Variants in PAK1 observed in about 807,000 individuals in gnomAD.
PAK1 encodes serine/threonine-protein kinase PAK 1.
In PAK1, 29 loss-of-function variants were observed where a neutral mutation model predicts 67.4. That is an observed-to-expected ratio of 0.43 (90% CI 0.32 to 0.59). PAK1 has a LOEUF of 0.59. PAK1 is among the 20% of genes least tolerant of loss of function. The probability of loss-of-function intolerance (pLI) is 0.07; values close to 1 mark genes in which losing one functional copy is unlikely to be tolerated. For synonymous variants in PAK1, 223 were observed against 237.4 expected (o/e 0.94, Z 0.56); for missense variants, 337 against 670.7 (o/e 0.50, Z 5.50).
intron 2 of PAK1, among the ~76,000 whole-genome samples, chr11:77,389,447 C>T (rs544997016): frequency 1.3e-5 from 2 of 152,318 alleles, no homozygotes; most frequent in South Asian, 4.1e-4. Context: ...AGACTGTTTT[C>T]CACAGAGGCT....
the PAK1 span, among the ~76,000 whole-genome samples, chr11:77,480,027 C>A: frequency 6.6e-6 from 1 of 152,166 alleles, no homozygotes; most frequent in African/African-American, 2.4e-5. Flanking sequence ...TGTTGTTTCT[C>A]AGGACTCTTA....
At chr11:77,390,801 C>A (rs1250732807) in intron 2 of PAK1, among the ~76,000 whole-genome samples, 1 of 151,938 alleles carries the variant, frequency 6.6e-6, no homozygotes, top group Non-Finnish European at 1.5e-5. Flanking sequence ...TGTGCCTGGC[C>A]TTCTTTTCTA....
At chr11:77,325,462 T>G in intron 14 of PAK1, 1 of 1,342,392 alleles carries the variant, frequency 7.4e-7, no homozygotes, top group Non-Finnish European at 1.0e-6. Context: ...ATATATAAAG[T>G]GTTTAGTGCC....
At chr11:77,445,958 A>T (rs1333994085) in intron 1 of PAK1, among the ~76,000 whole-genome samples, 1 of 152,158 alleles carries the variant, frequency 6.6e-6, no homozygotes, top group African/African-American at 2.4e-5. Context: ...AAACTGTCTC[A>T]TTCATCTTTA....
the PAK1 span, among the ~76,000 whole-genome samples, chr11:77,485,275 C>T: frequency 2.6e-5 from 4 of 152,010 alleles, no homozygotes; most frequent in African/African-American, 9.7e-5. Flanking sequence ...GTGACTATAG[C>T]CAATAATAAT....
intron 1 of PAK1, among the ~76,000 whole-genome samples, chr11:77,428,303 C>T (rs1022588806): frequency 3.9e-5 from 6 of 152,122 alleles, no homozygotes; most frequent in Non-Finnish European, 8.8e-5. Flanking sequence ...GTGGCTCACA[C>T]CTGTAATCCC....
chr11:77,418,884 A>T (rs1176741085), intron 1 of PAK1, among the ~76,000 whole-genome samples: 2 of 152,238 alleles, frequency 1.3e-5, no homozygotes, highest in Admixed American at 6.5e-5. Context: ...GCTGCACTAG[A>T]AAAATGACTG....
intron 1 of PAK1, among the ~76,000 whole-genome samples, chr11:77,394,437 G>GTT (rs373056819): frequency 2.7e-5 from 4 of 147,146 alleles, no homozygotes; most frequent in African/African-American, 9.9e-5. Flanking sequence ...ATCTATAGGA[G>GTT]TTTTTTTTTT....
At chr11:77,464,611 A>G (rs543272809) in intron 1 of PAK1, among the ~76,000 whole-genome samples, 1 of 152,356 alleles carries the variant, frequency 6.6e-6, no homozygotes, top group South Asian at 2.1e-4. Context: ...AGAGCTGTAC[A>G]GATGCTCCTT....
At chr11:77,396,800 T>C (rs760289076) in intron 1 of PAK1, among the ~76,000 whole-genome samples, 12 of 152,234 alleles carry the variant, frequency 7.9e-5, no homozygotes, top group Non-Finnish European at 1.3e-4. Flanking sequence ...GTTTCTATAC[T>C]ACTTTCCAGC....
chr11:77,382,748 A>T (rs2137167980), intron 2 of PAK1, among the ~76,000 whole-genome samples: 1 of 152,326 alleles, frequency 6.6e-6, no homozygotes, highest in East Asian at 1.9e-4. Flanking sequence ...CTGTAATCCC[A>T]GCACTTTGGG....
At chr11:77,508,753 G>A in the PAK1 span, among the ~76,000 whole-genome samples, 3 of 149,282 alleles carry the variant, frequency 2.0e-5, no homozygotes, top group East Asian at 2.0e-4. Context: ...TCCGCCTGCC[G>A]GGTTCACGCC....
chr11:77,423,402 T>TATACAC (rs1955382262), intron 1 of PAK1, among the ~76,000 whole-genome samples: 1 of 136,956 alleles, frequency 7.3e-6, no homozygotes. Flanking sequence ...TGCTTTCAAA[T>TATACAC]ACACACACAC....
chr11:77,349,272 C>T lies in PAK1; in HGVS notation c.852G>A (p.Val284=). The change falls in exon 9 of 15, where the codon GTG becomes GTA. Residue 284 remains valine (V), a synonymous_variant. Coordinates refer to ENST00000356341, the MANE Select transcript of PAK1 (RefSeq NM_002576.5). ...CTGTGGCCACATCCATTGCTGTGTA[C>T]ACGGTGCCTGAAGCACTGAACAGTA... The part of the protein sequence containing the change: ...EKIGQGASGT[V]YTAMDVATGQ... 1.2e-6 allele frequency: 2 copies of T among 1,600,696 alleles called. No homozygotes were observed. The highest frequency in any genetic ancestry group is 1.7e-6 in the Non-Finnish European group (2 of 1,172,928).
chr11:77,325,980 T>G (rs965042679), intron 14 of PAK1, among the ~76,000 whole-genome samples: 1 of 152,128 alleles, frequency 6.6e-6, no homozygotes, highest in African/African-American at 2.4e-5. Flanking sequence ...GGAAAGAGAT[T>G]CATAATTAAC....
chr11:77,336,634 G>A (rs12280627), intron 12 of PAK1, among the ~76,000 whole-genome samples: 9,215 of 152,070 alleles, frequency 0.061, 947 homozygotes, highest in African/African-American at 0.21. Context: ...CAAATCTGGC[G>A]ACTAGGTCCT....
intron 4 of PAK1, among the ~76,000 whole-genome samples, chr11:77,377,633 AG>A (rs145514725): frequency 0.026 from 3,979 of 152,338 alleles, 72 homozygotes; most frequent in African/African-American, 0.053. Context: ...ATACTTAAGT[AG>A]GCTTTAATTC....
intron 10 of PAK1, among the ~76,000 whole-genome samples, chr11:77,342,370 C>T (rs1220887457): frequency 5.3e-5 from 8 of 152,126 alleles, no homozygotes; most frequent in Admixed American, 5.2e-4. Flanking sequence ...TAATCCTACT[C>T]CCAGAACACA....
the PAK1 span, among the ~76,000 whole-genome samples, chr11:77,514,197 G>A: frequency 1.3e-5 from 2 of 152,120 alleles, no homozygotes; most frequent in African/African-American, 4.8e-5. Flanking sequence ...TTGTGACTAA[G>A]TATAAGACAG....
Sources: gnomAD v4.1 joint callset for allele counts (sites outside exome capture counted in the v4.1 genomes callset) on GRCh38, gnomAD v4.1.1 for gene constraint, MANE v1.5 for transcripts, NCBI Gene and HGNC (gene_info 2026-07-23, HGNC 2026-07-21) for gene names.